The following OSBPL6 variants were observed in gnomAD, a reference collection of about 807,000 sequenced individuals.
OSBPL6 encodes oxysterol-binding protein-related protein 6.
In OSBPL6, 49 loss-of-function variants were observed where a neutral mutation model predicts 125.8. That is an observed-to-expected ratio of 0.39 (90% CI 0.31 to 0.49). The LOEUF (loss-of-function observed/expected upper bound fraction) is 0.49. OSBPL6 is among the 20% of genes least tolerant of loss of function. The pLI is 0.88. For synonymous variants in OSBPL6, 394 were observed against 391.8 expected (o/e 1.01, Z -0.07); for missense variants, 986 against 1,135.4 (o/e 0.87, Z 1.89).
chr2:178,344,408 T>C (rs1267318666), intron 11 of OSBPL6: 2 of 1,580,050 alleles, frequency 1.3e-6, no homozygotes, highest in Non-Finnish European at 1.7e-6. Context: ...AATGAGAACC[T>C]GTGTACAAGG....
At chr2:178,379,267 A>G (rs1451470722) in intron 15 of OSBPL6, among the ~76,000 whole-genome samples, 1 of 147,196 alleles carries the variant, frequency 6.8e-6, no homozygotes, top group Non-Finnish European at 1.5e-5. Flanking sequence ...AAAACAAAGA[A>G]AGAGAAAGAA....
chr2:178,231,351 G>A (rs2153980522), intron 1 of OSBPL6, among the ~76,000 whole-genome samples: 1 of 152,286 alleles, frequency 6.6e-6, no homozygotes, highest in African/African-American at 2.4e-5. Flanking sequence ...GGCAAAAAGA[G>A]AAGATGGAGC....
intron 13 of OSBPL6, among the ~76,000 whole-genome samples, chr2:178,364,235 G>C (rs1269912902): frequency 1.3e-5 from 2 of 152,172 alleles, no homozygotes; most frequent in Non-Finnish European, 2.9e-5. Context: ...CAGCTCATCA[G>C]GGACTCCACA....
intron 15 of OSBPL6, among the ~76,000 whole-genome samples, chr2:178,381,843 C>A (rs1485867482): frequency 6.6e-6 from 1 of 152,150 alleles, no homozygotes; most frequent in African/African-American, 2.4e-5. Context: ...ACTGTCGGGC[C>A]CTCTTGTTTT....
At chr2:178,277,873 C>G (rs534174166) in intron 1 of OSBPL6, among the ~76,000 whole-genome samples, 1 of 152,272 alleles carries the variant, frequency 6.6e-6, no homozygotes, top group Non-Finnish European at 1.5e-5. Context: ...GGCTAGATCC[C>G]CCTCCATGAA....
chr2:178,204,552 G>A (rs773400985), intron 1 of OSBPL6, among the ~76,000 whole-genome samples: 1 of 152,166 alleles, frequency 6.6e-6, no homozygotes, highest in Non-Finnish European at 1.5e-5. Flanking sequence ...CTCTCTTGGG[G>A]ATCACTGTCT....
chr2:178,210,141 T>C (rs1486677920), intron 1 of OSBPL6, among the ~76,000 whole-genome samples: 4 of 152,092 alleles, frequency 2.6e-5, no homozygotes, highest in Non-Finnish European at 5.9e-5. Flanking sequence ...TGCCTCAGCG[T>C]CCTGAGTAGC....
At chr2:178,278,762 T>C (rs2092520271) in intron 1 of OSBPL6, among the ~76,000 whole-genome samples, 1 of 152,164 alleles carries the variant, frequency 6.6e-6, no homozygotes, top group African/African-American at 2.4e-5. Flanking sequence ...CTTTCATAGG[T>C]AGGAAAAGAA....
In OSBPL6 at chr2:178,277,431, C is replaced by T. The variant is rs189612286; in HGVS notation, c.-350-7496C>T. Among the ~76,000 whole-genome samples, 13 of 152,166 alleles carry T rather than the reference C, an allele frequency of 8.5e-5. 1 individual carries two copies. In the East Asian group the frequency reaches 2.5e-3, roughly 29 times the overall value. On this transcript the variant is annotated intron_variant, in intron 1 of 24. Transcript: ENST00000190611. ...ATGGTTAATAAATGTCAAGTCCTCC[C>T]TGTGCTTGGCTTTTGAATTTTGAAG...
intron 1 of OSBPL6, among the ~76,000 whole-genome samples, chr2:178,203,174 A>G (rs139933791): frequency 1.3e-5 from 2 of 152,040 alleles, no homozygotes; most frequent in East Asian, 3.9e-4. Context: ...GTGTCTTTAC[A>G]CTTAGTTTCT....
At chr2:178,334,159 C>G (rs1340431759) in intron 8 of OSBPL6, among the ~76,000 whole-genome samples, 1 of 152,148 alleles carries the variant, frequency 6.6e-6, no homozygotes, top group African/African-American at 2.4e-5. Context: ...GCCTTTGATT[C>G]AATAATTAAG....
intron 1 of OSBPL6, among the ~76,000 whole-genome samples, chr2:178,237,225 G>A (rs1407390311): frequency 1.3e-5 from 2 of 152,052 alleles, no homozygotes; most frequent in Admixed American, 6.6e-5. Context: ...CCTCCATGGG[G>A]GCTGTTCCAA....
intron 1 of OSBPL6, among the ~76,000 whole-genome samples, chr2:178,270,332 G>T (rs2092349474): frequency 6.6e-6 from 1 of 152,128 alleles, no homozygotes; most frequent in Non-Finnish European, 1.5e-5. Context: ...TGACTTTTGG[G>T]CAAAGCTGCT....
chr2:178,255,647 C>T (rs2091861421), intron 1 of OSBPL6, among the ~76,000 whole-genome samples: 2 of 152,346 alleles, frequency 1.3e-5, no homozygotes, highest in South Asian at 4.1e-4. Flanking sequence ...GTCTTCAATT[C>T]TTACAGACCA....
chr2:178,370,392 A>G (rs34468616), intron 13 of OSBPL6, among the ~76,000 whole-genome samples: 31,871 of 152,174 alleles, frequency 0.21, 4,184 homozygotes, highest in Admixed American at 0.31. Flanking sequence ...TAAGGCAACT[A>G]TGCATTTACT....
intron 3 of OSBPL6, among the ~76,000 whole-genome samples, chr2:178,310,353 G>A (rs903646105): frequency 3.3e-5 from 5 of 151,418 alleles, no homozygotes; most frequent in Non-Finnish European, 5.9e-5. Flanking sequence ...CTTACCAAGG[G>A]TGATTTCAAC....
In OSBPL6 at chr2:178,395,154, C is replaced by T. The variant is rs1455371958; in HGVS notation, c.2697-297C>T. Among the ~76,000 whole-genome samples, 3 of 152,120 alleles carry T rather than the reference C, an allele frequency of 2.0e-5. No individual in the cohort carries two copies. In the East Asian group the frequency reaches 5.8e-4, roughly 29 times the overall value. ...GTCTGGGACCTGAAGCTCTTAGTTA[C>T]AGTATTTGTATATGCTTTATTGGGG... On this transcript the variant is annotated intron_variant, in intron 24 of 24. Transcript: ENST00000190611.
At chr2:178,291,665 T>TCTTCCTTA (rs1685274551) in intron 2 of OSBPL6, among the ~76,000 whole-genome samples, 1 of 135,384 alleles carries the variant, frequency 7.4e-6, no homozygotes, top group South Asian at 2.7e-4. Flanking sequence ...ACAGGTAGTC[T>TCTTCCTTA]CTTCCTTCCT....
intron 12 of OSBPL6, among the ~76,000 whole-genome samples, chr2:178,356,461 C>G (rs1430841979): frequency 6.6e-6 from 1 of 152,058 alleles, no homozygotes; most frequent in African/African-American, 2.4e-5. Context: ...AACAGAGAGC[C>G]AAATCATGAG....
Sources: allele counts gnomAD v4.1 joint callset (sites outside exome capture counted in the v4.1 genomes callset), GRCh38; gene constraint gnomAD v4.1.1; transcripts MANE v1.5; gene names NCBI Gene and HGNC (gene_info 2026-07-23, HGNC 2026-07-21).